Variants in NR5A2 observed in about 807,000 individuals in gnomAD.
NR5A2 encodes CYP7A promoter-binding factor.
Under a neutral mutation model 62.7 loss-of-function variants are expected in NR5A2, and 26 were observed. That is an observed-to-expected ratio of 0.41 (90% CI 0.30 to 0.58). NR5A2 has a LOEUF of 0.58. NR5A2 is among the 20% of genes least tolerant of loss of function. NR5A2 has a pLI of 0.22. For synonymous variants in NR5A2, 246 were observed against 241.7 expected (o/e 1.02, Z -0.16); for missense variants, 541 against 669.1 (o/e 0.81, Z 2.11).
At chr1:200,079,738 G>A (rs1664203577) in intron 5 of NR5A2, among the ~76,000 whole-genome samples, 1 of 152,198 alleles carries the variant, frequency 6.6e-6, no homozygotes, top group African/African-American at 2.4e-5. Flanking sequence ...TGGGACCGGT[G>A]CAAGCCCACT....
chr1:200,166,654 G>A (rs1174659391), intron 7 of NR5A2, among the ~76,000 whole-genome samples: 5 of 152,134 alleles, frequency 3.3e-5, no homozygotes, highest in Admixed American at 2.0e-4. Context: ...AATGAGCCCT[G>A]CAGGGTTCAG....
chr1:200,122,288 C>T (rs908540834), intron 7 of NR5A2, among the ~76,000 whole-genome samples: 2 of 152,100 alleles, frequency 1.3e-5, no homozygotes, highest in African/African-American at 2.4e-5. Context: ...TTGCTGTAAT[C>T]GCACAAATTA....
intron 7 of NR5A2, among the ~76,000 whole-genome samples, chr1:200,157,338 C>T (rs1339664439): frequency 6.6e-6 from 1 of 152,158 alleles, no homozygotes; most frequent in Admixed American, 6.5e-5. Flanking sequence ...CAATTTTCCC[C>T]ACTTGAATTA....
intron 5 of NR5A2, among the ~76,000 whole-genome samples, chr1:200,075,112 G>A (rs1174153156): frequency 1.3e-5 from 2 of 152,038 alleles, no homozygotes; most frequent in Non-Finnish European, 2.9e-5. Context: ...ATTTCATTTG[G>A]TGATCTCTTT....
intron 7 of NR5A2, among the ~76,000 whole-genome samples, chr1:200,152,895 T>G (rs145158481): frequency 4.3e-4 from 65 of 152,308 alleles, no homozygotes; most frequent in African/African-American, 1.5e-3. Context: ...TTTGCTGGTT[T>G]CATCAGAGGA....
At chr1:200,074,715 C>T (rs1430770085) in intron 5 of NR5A2, among the ~76,000 whole-genome samples, 4 of 97,330 alleles carry the variant, frequency 4.1e-5, no homozygotes, top group East Asian at 4.2e-4. Context: ...CCAGTCTGGG[C>T]GACAGGGCGA....
intron 5 of NR5A2, among the ~76,000 whole-genome samples, chr1:200,068,139 AATG>A (rs901577717): frequency 1.9e-4 from 29 of 152,268 alleles, no homozygotes; most frequent in African/African-American, 7.0e-4. Context: ...TCAATTCTTT[AATG>A]ATCTTTGTTG....
chr1:200,060,278 G>C (rs192685984), intron 5 of NR5A2, among the ~76,000 whole-genome samples: 2 of 152,254 alleles, frequency 1.3e-5, no homozygotes, highest in East Asian at 3.9e-4. Flanking sequence ...CCCTTCAGGT[G>C]AAATGTGGTT....
chr1:200,116,992 C>T (rs1055368905), intron 6 of NR5A2, among the ~76,000 whole-genome samples: 3 of 152,118 alleles, frequency 2.0e-5, no homozygotes, highest in Non-Finnish European at 2.9e-5. Context: ...AAATGACAGG[C>T]ATCTTATAAT....
intron 5 of NR5A2, among the ~76,000 whole-genome samples, chr1:200,050,214 A>C (rs1662564663): frequency 6.6e-6 from 1 of 152,234 alleles, no homozygotes; most frequent in African/African-American, 2.4e-5. Flanking sequence ...AAACCATGCA[A>C]ACACTTTCCT....
intron 5 of NR5A2, among the ~76,000 whole-genome samples, chr1:200,105,251 C>G (rs1665592419): frequency 6.6e-6 from 1 of 152,014 alleles, no homozygotes. Context: ...TGTGGGCCAC[C>G]TTGCCCAGCC....
At chr1:200,117,169 A>G (rs954940373) in intron 6 of NR5A2, among the ~76,000 whole-genome samples, 4 of 152,222 alleles carry the variant, frequency 2.6e-5, no homozygotes, top group African/African-American at 9.6e-5. Flanking sequence ...GTAAGAGAGC[A>G]AAAAATTAAT....
intron 1 of NR5A2, among the ~76,000 whole-genome samples, chr1:200,028,312 C>A (rs1012808495): frequency 6.6e-6 from 1 of 150,616 alleles, no homozygotes; most frequent in Non-Finnish European, 1.5e-5. Context: ...AGATAGCTGT[C>A]AAGTATTTGT....
At chr1:200,114,443 G>A (rs939557454) in intron 6 of NR5A2, among the ~76,000 whole-genome samples, 5 of 152,168 alleles carry the variant, frequency 3.3e-5, no homozygotes, top group African/African-American at 1.2e-4. Context: ...TCTCTGGTGT[G>A]TGTGTGTAAA....
chr1:200,112,789 T>C (rs1254162408), intron 6 of NR5A2, among the ~76,000 whole-genome samples: 1 of 152,172 alleles, frequency 6.6e-6, no homozygotes, highest in African/African-American at 2.4e-5. Flanking sequence ...ATGTACCCAT[T>C]TTCAGAGTCT....
chr1:200,126,412 A>G, intron 7 of NR5A2, among the ~76,000 whole-genome samples: 1 of 152,194 alleles, frequency 6.6e-6, no homozygotes, highest in South Asian at 2.1e-4. Context: ...GTTCATGAAC[A>G]CAGTGTATGT....
At chr1:200,033,711 T>C (rs962995471) in intron 1 of NR5A2, among the ~76,000 whole-genome samples, 5 of 152,212 alleles carry the variant, frequency 3.3e-5, no homozygotes, top group Non-Finnish European at 7.3e-5. Context: ...CACCATCTCG[T>C]AATCGCGAAA....
intron 2 of NR5A2, among the ~76,000 whole-genome samples, chr1:200,041,420 C>T (rs888884286): frequency 5.3e-5 from 8 of 152,162 alleles, no homozygotes; most frequent in African/African-American, 1.9e-4. Context: ...TCGTCGGAGA[C>T]TAGAGGCCTG....
At chr1:200,123,351 A>C (rs1666560940) in intron 7 of NR5A2, among the ~76,000 whole-genome samples, 2 of 152,254 alleles carry the variant, frequency 1.3e-5, no homozygotes, top group African/African-American at 4.8e-5. Flanking sequence ...AAGCACTACC[A>C]GTGTGAAAGC....
Sources: gnomAD v4.1 joint callset for allele counts (sites outside exome capture counted in the v4.1 genomes callset) on GRCh38, gnomAD v4.1.1 for gene constraint, MANE v1.5 for transcripts, NCBI Gene and HGNC (gene_info 2026-07-23, HGNC 2026-07-21) for gene names.